FPR3: variants seen among roughly 807,000 people sequenced by gnomAD.
FPR3 encodes N-formyl peptide receptor 3.
For synonymous variants in FPR3, 135 were observed against 163.6 expected, an observed-to-expected ratio of 0.83 and a Z score of 1.34; for missense variants, 346 against 443.2, an observed-to-expected ratio of 0.78 and a Z score of 1.97.
At position 51,824,636 on chromosome 19, in the gene FPR3, C is replaced by T. The variant is rs370268021; in HGVS notation, c.888C>T (p.Cys296=). Residue 296 remains cysteine, a synonymous_variant, in exon 2 of 2, where the codon TGC becomes TGT. Coordinates refer to ENST00000339223, the MANE Select transcript of FPR3 (RefSeq NM_002030.5). This position sits in a 1 kb window ranked among gnomAD's most constrained non-coding sequence, Gnocchi z 4.7. ...PTSSLAFFNS[C]LNPILYVFMG... is the part of the protein sequence containing the mutation. ...GCTCCTTGGCCTTTTTTAACAGCTG[C>T]CTCAACCCAATTCTCTACGTCTTTA... 4.5e-5 allele frequency: 73 copies of T among 1,614,124 alleles called. 1 individual carries two copies. In the Middle Eastern group the frequency reaches 1.2e-3, roughly 26 times the overall value.
chr19:51,812,760 T>C (rs2084106146), intron 1 of FPR3, among the ~76,000 whole-genome samples: 1 of 152,196 alleles, frequency 6.6e-6, no homozygotes, highest in African/African-American at 2.4e-5. Context: ...ATTACAGTCA[T>C]TTAATTCGTC....
At chr19:51,822,536 G>A (rs1298709875) in intron 1 of FPR3, among the ~76,000 whole-genome samples, 1 of 152,144 alleles carries the variant, frequency 6.6e-6, no homozygotes, top group African/African-American at 2.4e-5. Context: ...TTTGTCTACT[G>A]TTTCCTACTT....
chr19:51,823,497 C>T (rs888426091), intron 1 of FPR3, among the ~76,000 whole-genome samples: 2 of 152,108 alleles, frequency 1.3e-5, no homozygotes, highest in African/African-American at 4.8e-5. Flanking sequence ...GTGGACAGAG[C>T]CCTTTAATCC....
intron 1 of FPR3, among the ~76,000 whole-genome samples, chr19:51,818,721 G>A (rs182993329): frequency 3.3e-5 from 5 of 152,306 alleles, no homozygotes; most frequent in Admixed American, 6.5e-5. Flanking sequence ...GCATGGTCAG[G>A]GAATCAAGGA....
chr19:51,808,505 T>C (rs2084075516), intron 1 of FPR3, among the ~76,000 whole-genome samples: 1 of 152,232 alleles, frequency 6.6e-6, no homozygotes, highest in Non-Finnish European at 1.5e-5. Context: ...GCTTCTTTAA[T>C]GCCTGTCCTA....
chr19:51,804,451 T>G (rs1447684619), intron 1 of FPR3, among the ~76,000 whole-genome samples: 6 of 152,196 alleles, frequency 3.9e-5, no homozygotes, highest in African/African-American at 1.4e-4. Flanking sequence ...GTGAATTATG[T>G]ACATTTAATA....
chr19:51,818,797 G>A (rs896693199), intron 1 of FPR3, among the ~76,000 whole-genome samples: 10 of 152,148 alleles, frequency 6.6e-5, no homozygotes, highest in Non-Finnish European at 1.3e-4. Context: ...GGATACACAA[G>A]ACAAATCTCA....
At chr19:51,811,256 G>A (rs1416140532) in intron 1 of FPR3, among the ~76,000 whole-genome samples, 1 of 141,032 alleles carries the variant, frequency 7.1e-6, no homozygotes, top group Non-Finnish European at 1.6e-5. Context: ...TGCTGCCTGT[G>A]GAAACCATGG....
At position 51,797,603 on chromosome 19, in the gene FPR3, C is replaced by T. The variant is rs377150699; in HGVS notation, c.-11+2272C>T. Among the ~76,000 whole-genome samples, 8 of 152,300 alleles carry T rather than the reference C, an allele frequency of 5.3e-5. No homozygotes were observed. In the East Asian group the frequency reaches 7.7e-4, roughly 15 times the overall value. On this transcript the variant is annotated intron_variant, in intron 1 of 1. Coordinates refer to ENST00000339223, the MANE Select transcript of FPR3 (RefSeq NM_002030.5). ...ACATTAATCAATATTCACCGTGTCT[C>T]AGGGTGTGTTGAGTGCTTACACATA...
Position 51,823,120 on chromosome 19 carries a change from C to T in FPR3, c.-10-619C>T, listed in dbSNP as rs1275118875. Among the ~76,000 whole-genome samples the T allele has an allele frequency of 2.6e-5, 4 of 152,272 alleles. No homozygotes were observed. The East Asian group carries it at 7.7e-4, about 29-fold the overall frequency. ...TCAAGTGATCCACTCTCCTCAACCT[C>T]CTAAAGTGCTGGGGTTACAGGCATG... On this transcript the variant is annotated intron_variant, in intron 1 of 1. Coordinates refer to ENST00000339223, the MANE Select transcript of FPR3 (RefSeq NM_002030.5).
chr19:51,822,232 C>T (rs1458429764), intron 1 of FPR3, among the ~76,000 whole-genome samples: 1 of 152,172 alleles, frequency 6.6e-6, no homozygotes, highest in African/African-American at 2.4e-5. Flanking sequence ...CCAGGATATC[C>T]TCCCATAGTG....
chr19:51,799,248 T>G (rs887962156), intron 1 of FPR3, among the ~76,000 whole-genome samples: 1 of 152,138 alleles, frequency 6.6e-6, no homozygotes, highest in Non-Finnish European at 1.5e-5. Flanking sequence ...CCGGGGTCTG[T>G]GAATACTAAA....
At chr19:51,813,707 T>C (rs1263313197) in intron 1 of FPR3, among the ~76,000 whole-genome samples, 1 of 152,106 alleles carries the variant, frequency 6.6e-6, no homozygotes, top group Middle Eastern at 3.2e-3. Flanking sequence ...ATTTTGCTTT[T>C]GTATTTTTAG....
chr19:51,815,886 G>GA (rs2084132693), intron 1 of FPR3, among the ~76,000 whole-genome samples: 2 of 143,124 alleles, frequency 1.4e-5, no homozygotes, highest in Admixed American at 1.4e-4. Flanking sequence ...AAAGAAAAAA[G>GA]AAAAAGAAGA....
chr19:51,813,657 A>G (rs1298985313), intron 1 of FPR3, among the ~76,000 whole-genome samples: 2 of 151,896 alleles, frequency 1.3e-5, no homozygotes, highest in Non-Finnish European at 2.9e-5. Flanking sequence ...CAGCCTCCCG[A>G]ATATCTGGGA....
intron 1 of FPR3, among the ~76,000 whole-genome samples, chr19:51,805,479 T>C (rs992800260): frequency 1.3e-5 from 2 of 152,184 alleles, no homozygotes; most frequent in African/African-American, 2.4e-5. Flanking sequence ...GAAAGCTCCT[T>C]GCAAATGGGC....
chr19:51,796,291 G>A (rs2083998606), intron 1 of FPR3, among the ~76,000 whole-genome samples: 1 of 152,230 alleles, frequency 6.6e-6, no homozygotes, highest in South Asian at 2.1e-4. Flanking sequence ...CCCAGTGGGT[G>A]GAGCCCAGTG....
At chr19:51,804,724 G>A (rs1022855485) in intron 1 of FPR3, 4 of 152,068 alleles carry the variant, frequency 2.6e-5, no homozygotes, top group South Asian at 2.1e-4. Context: ...GTGGCTGTTC[G>A]GGGCGCCACT....
chr19:51,804,678 T>C lies in FPR3; in HGVS notation c.-11+9347T>C, dbSNP rs375979538. On this transcript the variant is annotated intron_variant, in intron 1 of 1. Coordinates refer to ENST00000339223, the MANE Select transcript of FPR3 (RefSeq NM_002030.5). ...GGACTTTACATTGGGGCTCAAATTA[T>C]AGTTATATATGAGGATCTATCGAGC... 4.6e-5 allele frequency: 7 copies of C among 152,290 alleles called. No individual in the cohort carries two copies. The East Asian group carries it at 9.7e-4, about 21-fold the overall frequency. The allele number at this position is 152,290 out of a possible 1,614,324, so 9.4% of individuals were successfully genotyped here.
Sources: allele counts gnomAD v4.1 joint callset (sites outside exome capture counted in the v4.1 genomes callset), GRCh38; gene constraint gnomAD v4.1.1; non-coding constraint Gnocchi (gnomAD v3.1); transcripts MANE v1.5; gene names NCBI Gene and HGNC (gene_info 2026-07-23, HGNC 2026-07-21).